The following PLXDC2 variants were observed in gnomAD, a reference collection of about 807,000 sequenced individuals.
PLXDC2 encodes plexin domain containing 2.
In PLXDC2, 40 loss-of-function variants were observed where a neutral mutation model predicts 68.9. The ratio of observed to expected loss-of-function variants is 0.58; its 90% CI spans 0.45 to 0.76. PLXDC2 has a LOEUF of 0.76. PLXDC2 is among the 30% of genes least tolerant of loss of function. PLXDC2 has a pLI of 0.00. For synonymous variants in PLXDC2, 243 were observed against 234.2 expected, an observed-to-expected ratio of 1.04 and a Z score of -0.34; for missense variants, 644 against 661.9, an observed-to-expected ratio of 0.97 and a Z score of 0.30.
intron 4 of PLXDC2, among the ~76,000 whole-genome samples, chr10:20,080,883 G>C (rs1450606285): frequency 2.0e-5 from 3 of 152,196 alleles, no homozygotes; most frequent in African/African-American, 7.2e-5. Context: ...TGCAACCACA[G>C]ATTGCTAATA....
chr10:19,943,525 A>G (rs1833852469), intron 1 of PLXDC2, among the ~76,000 whole-genome samples: 1 of 152,224 alleles, frequency 6.6e-6, no homozygotes, highest in Non-Finnish European at 1.5e-5. Context: ...AAGCATAACC[A>G]TATACTAATG....
chr10:20,236,574 A>G (rs1835435199), intron 12 of PLXDC2, among the ~76,000 whole-genome samples: 1 of 152,252 alleles, frequency 6.6e-6, no homozygotes, highest in Non-Finnish European at 1.5e-5. Flanking sequence ...TGCTGAAAAC[A>G]TATGCGTAGG....
chr10:20,232,623 A>T (rs1042642351), intron 12 of PLXDC2, among the ~76,000 whole-genome samples: 2 of 152,214 alleles, frequency 1.3e-5, no homozygotes, highest in African/African-American at 2.4e-5. Context: ...TGCCAGACAC[A>T]GTGGAGTACA....
At chr10:20,043,241 A>C (rs1451967628) in intron 2 of PLXDC2, 1 of 152,158 alleles carries the variant, frequency 6.6e-6, no homozygotes, top group African/African-American at 2.4e-5. Context: ...TTTTGAATAA[A>C]AGTTGCCATG....
At chr10:19,824,549 T>C (rs1836537356) in intron 1 of PLXDC2, among the ~76,000 whole-genome samples, 1 of 152,236 alleles carries the variant, frequency 6.6e-6, no homozygotes, top group African/African-American at 2.4e-5. Context: ...ATTATCTCTG[T>C]AGAGTACTCC....
intron 1 of PLXDC2, among the ~76,000 whole-genome samples, chr10:19,924,080 C>T (rs1047427159): frequency 4.6e-5 from 7 of 152,038 alleles, no homozygotes; most frequent in Non-Finnish European, 7.4e-5. Context: ...AAGTCCCAAC[C>T]GGCCAGCATT....
chr10:20,223,334 A>C (rs917505904), intron 12 of PLXDC2, among the ~76,000 whole-genome samples: 1 of 129,408 alleles, frequency 7.7e-6, no homozygotes, highest in African/African-American at 2.9e-5. Flanking sequence ...TTTTTTTGAG[A>C]TGGAGTCTCG....
intron 12 of PLXDC2, among the ~76,000 whole-genome samples, chr10:20,235,339 A>C (rs1835419246): frequency 6.6e-6 from 1 of 152,216 alleles, no homozygotes; most frequent in African/African-American, 2.4e-5. Context: ...AATCAACAGA[A>C]TATTAATGAG....
intron 1 of PLXDC2, among the ~76,000 whole-genome samples, chr10:19,978,878 A>G (rs1244968133): frequency 6.6e-6 from 1 of 152,232 alleles, no homozygotes; most frequent in Non-Finnish European, 1.5e-5. Context: ...TTACAAGATA[A>G]GAGTAAGTTC....
In PLXDC2 at chr10:20,289,682, A is replaced by C. The variant is rs1836205180; in HGVS notation, c.*9863A>C. 6.6e-6 allele frequency: 1 copy of C among 152,262 alleles called. No homozygotes were observed. The allele number at this position is 152,262 out of a possible 1,614,324, so 9.4% of individuals were successfully genotyped here. A position where few individuals can be genotyped will look rare whatever the true frequency, so the allele number is the denominator to read the frequency against. ...ACGCACAGACCTGAACCCATGCCCA[A>C]GAAGCACACACAATGACTGGAGCTG... On this transcript the variant is annotated 3_prime_UTR_variant, in exon 14 of 14. Coordinates refer to ENST00000377252, the MANE Select transcript of PLXDC2 (RefSeq NM_032812.9).
intron 1 of PLXDC2, among the ~76,000 whole-genome samples, chr10:19,830,520 A>C (rs11812579): frequency 6.6e-6 from 1 of 151,938 alleles, no homozygotes; most frequent in Non-Finnish European, 1.5e-5. Context: ...TGATATTTCT[A>C]TCTCCTCAGT....
At chr10:19,990,931 C>T (rs902966865) in intron 1 of PLXDC2, among the ~76,000 whole-genome samples, 2 of 152,026 alleles carry the variant, frequency 1.3e-5, no homozygotes, top group Non-Finnish European at 2.9e-5. Context: ...TTACTAAATT[C>T]AGTGGAGTGA....
chr10:20,071,840 A>G (rs1836320844), intron 4 of PLXDC2, among the ~76,000 whole-genome samples: 1 of 152,186 alleles, frequency 6.6e-6, no homozygotes, highest in Admixed American at 6.5e-5. Context: ...TTGGCCTTAG[A>G]GGAAGGTAGA....
rs1386663870 is a variant in PLXDC2 at position 20,287,760 on chromosome 10, T to G, written c.*7941T>G. The G allele has an allele frequency of 6.6e-6, 1 of 152,074 alleles. No homozygotes were observed. The highest frequency in any genetic ancestry group is 6.6e-5 in the Admixed American group (1 of 15,264). The allele number at this position is 152,074 out of a possible 1,614,324, so 9.4% of individuals were successfully genotyped here. On this transcript the variant is annotated 3_prime_UTR_variant, in exon 14 of 14. Coordinates refer to ENST00000377252, the MANE Select transcript of PLXDC2 (RefSeq NM_032812.9). ...AGGGGGAAGTCTTTTCATTGATTGGTCAAAACAAATCTCTCATTTGCCTGA... is the reference window on the plus strand; with the variant it reads ...AGGGGGAAGTCTTTTCATTGATTGGGCAAAACAAATCTCTCATTTGCCTGA...
chr10:19,992,659 T>C (rs1238285757), intron 1 of PLXDC2, among the ~76,000 whole-genome samples: 1 of 152,178 alleles, frequency 6.6e-6, no homozygotes, highest in Non-Finnish European at 1.5e-5. Flanking sequence ...AGATTAATTG[T>C]TTTAAAGTAC....
Position 20,280,000 on chromosome 10 carries a change from A to C in PLXDC2, c.*181A>C, listed in dbSNP as rs1836061109. On this transcript the variant is annotated 3_prime_UTR_variant, in exon 14 of 14. Transcript: ENST00000377252. The stretch of plus-strand genomic sequence containing the variant: ...GAAACAAAGGGTAAACAAAAAACTA[A>C]AACTTATACAAGATACCATTTACAC... 5 of 574,448 alleles carry C rather than the reference A, an allele frequency of 8.7e-6. No homozygotes were observed. Among genetic ancestry groups the C allele is most frequent in the Non-Finnish European group, 1.5e-5 (5 of 323,766 alleles). The allele number at this position is 574,448 out of a possible 1,614,324, so 35.6% of individuals were successfully genotyped here. A position where few individuals can be genotyped will look rare whatever the true frequency, so the allele number is the denominator to read the frequency against.
chr10:19,833,534 C>T (rs977468324), intron 1 of PLXDC2, among the ~76,000 whole-genome samples: 5 of 152,186 alleles, frequency 3.3e-5, no homozygotes, highest in Non-Finnish European at 5.9e-5. Flanking sequence ...TTAACAAACT[C>T]ATGTTGTGTA....
intron 9 of PLXDC2, among the ~76,000 whole-genome samples, chr10:20,178,672 T>C (rs1037288916): frequency 3.3e-5 from 5 of 152,140 alleles, no homozygotes; most frequent in African/African-American, 4.8e-5. Flanking sequence ...TTAAAACTTA[T>C]TGAAGAATGC....
At chr10:20,118,388 A>C (rs1833650746) in intron 4 of PLXDC2, among the ~76,000 whole-genome samples, 2 of 152,082 alleles carry the variant, frequency 1.3e-5, no homozygotes, top group African/African-American at 4.8e-5. Context: ...GAGAAGGAGG[A>C]GTATATGGCA....
Sources: gnomAD v4.1 joint callset for allele counts (sites outside exome capture counted in the v4.1 genomes callset) on GRCh38, gnomAD v4.1.1 for gene constraint, MANE v1.5 for transcripts, NCBI Gene and HGNC (gene_info 2026-07-23, HGNC 2026-07-21) for gene names.